The following GRB10 variants were observed in gnomAD, a reference collection of about 807,000 sequenced individuals.
GRB10 encodes the protein growth factor receptor bound protein 10.
A neutral mutation model predicts 80.9 loss-of-function variants in GRB10; 20 were observed. The observed-to-expected ratio is 0.25, with a 90% CI of 0.17 to 0.36. The LOEUF (loss-of-function observed/expected upper bound fraction) is 0.36. Among genes scored for constraint, GRB10 ranks in the 10% least tolerant of loss-of-function variants. The pLI is 1.00. For missense variants in GRB10, 548 were observed against 747.7 expected (o/e 0.73, Z 3.12); for synonymous variants, 291 against 291.5 (o/e 1.00, Z 0.02).
chr7:50,625,120 A>G (rs2052642375), intron 8 of GRB10, among the ~76,000 whole-genome samples: 1 of 152,164 alleles, frequency 6.6e-6, no homozygotes. Flanking sequence ...TATCTACCAT[A>G]TGATAGTCTA....
At chr7:50,758,291 TAC>T (rs1216421677) in intron 2 of GRB10, among the ~76,000 whole-genome samples, 2 of 152,104 alleles carry the variant, frequency 1.3e-5, no homozygotes, top group African/African-American at 4.8e-5. Context: ...GGACAGAAGT[TAC>T]AGAGTCTAAA....
At chr7:50,641,748 CT>C (rs987344500) in intron 7 of GRB10, among the ~76,000 whole-genome samples, 1 of 152,246 alleles carries the variant, frequency 6.6e-6, no homozygotes, top group Non-Finnish European at 1.5e-5. Context: ...GCTCCAACAT[CT>C]CTGCGGCAGG....
At chr7:50,652,330 G>A (rs1022127942) in intron 7 of GRB10, among the ~76,000 whole-genome samples, 4 of 152,220 alleles carry the variant, frequency 2.6e-5, no homozygotes, top group African/African-American at 9.7e-5. Flanking sequence ...CAGGGCCACG[G>A]TTATGGCAGG....
Position 50,611,775 on chromosome 7 carries a change from T to C in GRB10, c.1194+966A>G, listed in dbSNP as rs1425035717. Among the ~76,000 whole-genome samples, 4 of 152,228 alleles carry C rather than the reference T, an allele frequency of 2.6e-5. No homozygotes were observed. In the East Asian group the frequency reaches 7.7e-4, roughly 29 times the overall value. ...CTTAATTGACTTCACCTTGAGTCTCTGGACCAGCTCAAAGGCCACTACAGT... is the reference window on the plus strand; with the variant it reads ...CTTAATTGACTTCACCTTGAGTCTCCGGACCAGCTCAAAGGCCACTACAGT... On this transcript the variant is annotated intron_variant, in intron 13 of 18. Coordinates refer to ENST00000401949, the MANE Select transcript of GRB10 (RefSeq NM_001350814.2).
rs1029141682 is a variant in GRB10, at chr7:50,626,897, A to G, written c.586T>C (p.Leu196=). The change falls in exon 8 of 19, where the codon TTG becomes CTG. Residue 196 remains leucine, a synonymous_variant. Coordinates refer to ENST00000401949, the MANE Select transcript of GRB10 (RefSeq NM_001350814.2). The part of the protein sequence containing the change: ...ADMTARDLCQ[L]LVYKSHCVDD... ...ACACAGTGACTTTTGTAAACCAGCA[A>G]TTGGCACAGGTCTCTGGCTGTCATG... is the stretch of plus-strand genomic sequence containing the variant. 7 of 1,614,162 alleles carry G rather than the reference A, an allele frequency of 4.3e-6. No individual in the cohort carries two copies. The highest frequency in any genetic ancestry group is 1.6e-4 in the Middle Eastern group (1 of 6,062).
At chr7:50,596,291 T>C (rs933461724) in intron 17 of GRB10, among the ~76,000 whole-genome samples, 2 of 152,238 alleles carry the variant, frequency 1.3e-5, no homozygotes, top group Non-Finnish European at 2.9e-5. Flanking sequence ...ATCAAGTGTC[T>C]AAATTACCAC....
chr7:50,616,485 A>G, intron 10 of GRB10, 138 bp from the exon 11 acceptor site: 2 of 808,530 alleles, frequency 2.5e-6, no homozygotes, highest in South Asian at 3.3e-5. Context: ...TCTCCTTTCC[A>G]AAGTCTTAAA....
chr7:50,633,240 A>C (rs1240114461), intron 7 of GRB10, among the ~76,000 whole-genome samples: 5 of 152,210 alleles, frequency 3.3e-5, no homozygotes, highest in African/African-American at 1.2e-4. Flanking sequence ...GGTCCAGCAC[A>C]CTGTTACTAC....
At position 50,591,224 on chromosome 7, in the gene GRB10, A is replaced by G. The variant is rs1213537908; in HGVS notation, c.*1728T>C. On this transcript the variant is annotated 3_prime_UTR_variant, in exon 19 of 19. Coordinates refer to ENST00000401949, the MANE Select transcript of GRB10 (RefSeq NM_001350814.2). The stretch of plus-strand genomic sequence containing the variant: ...TTTTGCTAGAAAATTCTTCATTTGT[A>G]TACCTTTCATGGAAAACAACTAGAG... The G allele has an allele frequency of 6.6e-6, 1 of 152,250 alleles. No homozygotes were observed. Among genetic ancestry groups the G allele is most frequent in the African/African-American group, 2.4e-5 (1 of 41,464 alleles). The allele number at this position is 152,250 out of a possible 1,614,324, so 9.4% of individuals were successfully genotyped here.
At chr7:50,656,851 C>T (rs1042995401) in intron 7 of GRB10, among the ~76,000 whole-genome samples, 4 of 152,186 alleles carry the variant, frequency 2.6e-5, no homozygotes, top group African/African-American at 9.7e-5. Flanking sequence ...ACAGATATAG[C>T]AACACACATC....
rs2072654809 is a variant in GRB10 at position 50,745,068 on chromosome 7, A to T, written c.-47+10819T>A. Among the ~76,000 whole-genome samples, 3 of 152,038 alleles carry T rather than the reference A, an allele frequency of 2.0e-5. 1 individual carries two copies. The South Asian group carries it at 6.2e-4, about 32-fold the overall frequency. Reference sequence around the variant, plus strand: ...GCATTCATGACATAGCCTTTTCTTAATTTTTTTGGTATTTCTCGGCTATGC... The same window carrying T: ...GCATTCATGACATAGCCTTTTCTTATTTTTTTTGGTATTTCTCGGCTATGC... On this transcript the variant is annotated intron_variant, in intron 3 of 18. Coordinates refer to ENST00000401949, the MANE Select transcript of GRB10 (RefSeq NM_001350814.2).
upstream of GRB10, among the ~76,000 whole-genome samples, chr7:50,784,063 G>A (rs1216195494): frequency 6.6e-6 from 1 of 152,196 alleles, no homozygotes; most frequent in Non-Finnish European, 1.5e-5. Context: ...AACACAAAGG[G>A]TAACACAAGG....
chr7:50,677,834 C>G (rs546885784), intron 5 of GRB10, among the ~76,000 whole-genome samples: 1 of 152,344 alleles, frequency 6.6e-6, no homozygotes, highest in East Asian at 1.9e-4. Flanking sequence ...ATGCCACACA[C>G]GTGCACACGT....
intron 18 of GRB10, among the ~76,000 whole-genome samples, 197 bp from the exon 19 acceptor site, chr7:50,593,295 C>T (rs533260902): frequency 8.5e-5 from 13 of 152,118 alleles, no homozygotes; most frequent in Non-Finnish European, 1.5e-4. Flanking sequence ...TGTCCCTGAG[C>T]GAGGGACAGA....
intron 4 of GRB10, among the ~76,000 whole-genome samples, chr7:50,728,388 A>G (rs1253091835): frequency 1.3e-5 from 2 of 152,192 alleles, no homozygotes; most frequent in Non-Finnish European, 2.9e-5. Flanking sequence ...CGCACTGCCA[A>G]AAGATTAAGG....
intron 7 of GRB10, among the ~76,000 whole-genome samples, chr7:50,663,462 G>C (rs185076511): frequency 6.6e-6 from 1 of 152,310 alleles, no homozygotes; most frequent in Non-Finnish European, 1.5e-5. Context: ...CTCCACTTGG[G>C]ATGAGTGCCA....
At chr7:50,624,768 G>A (rs1281213508) in intron 8 of GRB10, among the ~76,000 whole-genome samples, 1 of 152,044 alleles carries the variant, frequency 6.6e-6, no homozygotes, top group African/African-American at 2.4e-5. Context: ...GATATTCTAA[G>A]GAATTTCATG....
intron 7 of GRB10, among the ~76,000 whole-genome samples, chr7:50,639,401 C>T (rs979164164): frequency 2.0e-5 from 3 of 152,062 alleles, no homozygotes; most frequent in Admixed American, 6.5e-5. Context: ...GTTTGCCAGG[C>T]GCAGTGGCTC....
chr7:50,676,344 G>GGGGGGGGGGGGGGGGGC (rs1563400777), intron 5 of GRB10, among the ~76,000 whole-genome samples: 2 of 135,912 alleles, frequency 1.5e-5, no homozygotes, highest in Admixed American at 7.3e-5. Context: ...CCGGGGGGGG[G>GGGGGGGGGGGGGGGGGC]GGGGGGTTGT....
Sources: allele counts gnomAD v4.1 joint callset (sites outside exome capture counted in the v4.1 genomes callset), GRCh38; gene constraint gnomAD v4.1.1; transcripts MANE v1.5; gene names NCBI Gene and HGNC (gene_info 2026-07-23, HGNC 2026-07-21).